The following CTNND2 variants were observed in gnomAD, a reference collection of about 807,000 sequenced individuals.
The protein encoded by CTNND2 is catenin delta 2.
CTNND2 carries 22 observed loss-of-function variants against 144.4 expected under a neutral mutation model. The ratio of observed to expected loss-of-function variants is 0.15; its 90% CI spans 0.11 to 0.22. The LOEUF (loss-of-function observed/expected upper bound fraction) is 0.22, where lower values mean the gene tolerates loss of function less well. Among genes scored for constraint, CTNND2 ranks in the 10% least tolerant of loss-of-function variants. CTNND2 has a pLI of 1.00. For missense variants in CTNND2, 1,353 were observed against 1,618.8 expected (o/e 0.84, Z 2.82); for synonymous variants, 751 against 695.6 (o/e 1.08, Z -1.25).
intron 11 of CTNND2, among the ~76,000 whole-genome samples, chr5:11,195,852 G>A (rs1478476330): frequency 1.3e-5 from 2 of 152,238 alleles, no homozygotes; most frequent in African/African-American, 4.8e-5. Context: ...TATTTGCTTC[G>A]GAGCTTTTCA....
At chr5:11,099,241 TC>T (rs1751646619) in intron 14 of CTNND2, among the ~76,000 whole-genome samples, 1 of 152,198 alleles carries the variant, frequency 6.6e-6, no homozygotes, top group Admixed American at 6.5e-5. Context: ...CAAATTGGGT[TC>T]TATTGTTGCA....
At chr5:11,633,280 A>C (rs1464702209) in intron 2 of CTNND2, among the ~76,000 whole-genome samples, 7 of 152,194 alleles carry the variant, frequency 4.6e-5, no homozygotes, top group Non-Finnish European at 1.5e-5. Context: ...AGAGAATGCC[A>C]ACAAAATTAA....
At chr5:11,323,240 G>GT (rs1032860354) in intron 9 of CTNND2, among the ~76,000 whole-genome samples, 12 of 143,634 alleles carry the variant, frequency 8.4e-5, no homozygotes, top group South Asian at 2.5e-4. Context: ...TTGGGGGGGG[G>GT]GGTCTCACTA....
At chr5:11,352,323 T>C (rs1043874201) in intron 8 of CTNND2, among the ~76,000 whole-genome samples, 1 of 152,218 alleles carries the variant, frequency 6.6e-6, no homozygotes, top group Admixed American at 6.5e-5. Context: ...ATCATAGATA[T>C]ATTTGAAAGC....
At chr5:11,647,145 C>G (rs775650421) in intron 2 of CTNND2, among the ~76,000 whole-genome samples, 2 of 152,152 alleles carry the variant, frequency 1.3e-5, no homozygotes, top group Non-Finnish European at 2.9e-5. Context: ...CTGTTCTTTG[C>G]TCTCTTCCTC....
Position 11,471,535 on chromosome 5 carries a change from A to G in CTNND2, c.288-59466T>C, listed in dbSNP as rs562387678. Among the ~76,000 whole-genome samples the G allele has an allele frequency of 3.9e-5, 6 of 152,334 alleles. No individual in the cohort carries two copies. The South Asian group carries it at 1.2e-3, about 32-fold the overall frequency. ...CTAAATAACAAATTCTAGTAATAGAATAATGGTTTTGATAAAGGTATTTAC... is the reference window on the plus strand; with the variant it reads ...CTAAATAACAAATTCTAGTAATAGAGTAATGGTTTTGATAAAGGTATTTAC... On this transcript the variant is annotated intron_variant, in intron 3 of 21. Coordinates refer to ENST00000304623, the MANE Select transcript of CTNND2 (RefSeq NM_001332.4).
At chr5:11,220,315 A>T (rs1044430220) in intron 10 of CTNND2, among the ~76,000 whole-genome samples, 2 of 152,208 alleles carry the variant, frequency 1.3e-5, no homozygotes, top group African/African-American at 4.8e-5. Flanking sequence ...AGATGGTGGC[A>T]ACAGAAAAAA....
At chr5:11,155,692 T>A (rs1352757130) in intron 12 of CTNND2, among the ~76,000 whole-genome samples, 1 of 152,012 alleles carries the variant, frequency 6.6e-6, no homozygotes, top group African/African-American at 2.4e-5. Context: ...CCTTATCAAC[T>A]CAGGCCTCCA....
chr5:11,381,232 CATT>C (rs1758452235), intron 7 of CTNND2, among the ~76,000 whole-genome samples: 1 of 152,218 alleles, frequency 6.6e-6, no homozygotes, highest in Non-Finnish European at 1.5e-5. Flanking sequence ...TCCCAACTGA[CATT>C]CTTGCTTTTG....
At chr5:11,485,543 C>A (rs1768741088) in intron 3 of CTNND2, among the ~76,000 whole-genome samples, 1 of 152,060 alleles carries the variant, frequency 6.6e-6, no homozygotes, top group South Asian at 2.1e-4. Context: ...AATAAATAGC[C>A]TGTTAGTAGT....
intron 2 of CTNND2, among the ~76,000 whole-genome samples, chr5:11,609,466 C>A (rs1780212941): frequency 2.0e-5 from 3 of 152,150 alleles, no homozygotes; most frequent in Admixed American, 1.3e-4. Context: ...GACCCTCTGT[C>A]ACTGCAATGG....
At chr5:11,675,371 C>A (rs772653540) in intron 2 of CTNND2, among the ~76,000 whole-genome samples, 1 of 151,948 alleles carries the variant, frequency 6.6e-6, no homozygotes, top group Non-Finnish European at 1.5e-5. Context: ...GTTTGCCTGG[C>A]AAGTGCAGAC....
intron 1 of CTNND2, among the ~76,000 whole-genome samples, chr5:11,888,305 T>G (rs113766365): frequency 6.6e-6 from 1 of 152,106 alleles, no homozygotes; most frequent in Admixed American, 6.5e-5. Flanking sequence ...CCAGGAAAGG[T>G]AGAATGGTTG....
intron 9 of CTNND2, among the ~76,000 whole-genome samples, chr5:11,333,376 G>A (rs1354305673): frequency 6.6e-6 from 1 of 152,068 alleles, no homozygotes; most frequent in Non-Finnish European, 1.5e-5. Flanking sequence ...TGATCCTCCT[G>A]CCTTAGTCTT....
chr5:11,885,483 T>C (rs937514360), intron 1 of CTNND2, among the ~76,000 whole-genome samples: 1 of 152,246 alleles, frequency 6.6e-6, no homozygotes, highest in Non-Finnish European at 1.5e-5. Context: ...TTTGGGTCCA[T>C]TCAGCAAGAG....
At chr5:11,322,439 A>G (rs1182254455) in intron 9 of CTNND2, among the ~76,000 whole-genome samples, 1 of 152,250 alleles carries the variant, frequency 6.6e-6, no homozygotes, top group Non-Finnish European at 1.5e-5. Flanking sequence ...TTATGCAATA[A>G]GCATTTATGA....
At chr5:10,983,688 C>T (rs1737582485) in intron 20 of CTNND2, among the ~76,000 whole-genome samples, 1 of 152,166 alleles carries the variant, frequency 6.6e-6, no homozygotes, top group Non-Finnish European at 1.5e-5. Flanking sequence ...TCCTCGAAGG[C>T]CCAACTTCCA....
Position 11,384,862 on chromosome 5 carries a change from G to A in CTNND2, c.980C>T (p.Ser327Phe). 1 of 1,612,734 alleles carries A rather than the reference G, an allele frequency of 6.2e-7. No individual in the cohort carries two copies. The highest frequency in any genetic ancestry group is 8.5e-7 in the Non-Finnish European group (1 of 1,179,618). ...GGGGGGCGAGGTCACGCGGATCGGG[G>A]ACAGGCCGGCCGAGGACACGACGAT... ...INIVVSSAGL[S>F]PIRVTSPPTV... is the part of the protein sequence containing the mutation. The change falls in exon 7 of 22, where the codon TCC becomes TTC. Residue 327 changes from serine to phenylalanine, a missense_variant. Physicochemically the swap from Ser to Phe is radical, Grantham distance 155. Around this residue, in one of 4 missense-constraint regions of CTNND2, gnomAD observed 708 missense variants for 706.4 expected, o/e 1.00. Transcript: ENST00000304623. The surrounding 1 kb of genome is among the most constrained non-coding windows in gnomAD (Gnocchi z 5.2).
intron 9 of CTNND2, among the ~76,000 whole-genome samples, chr5:11,240,234 CA>C (rs1272132904): frequency 2.7e-4 from 34 of 125,150 alleles, no homozygotes; most frequent in African/African-American, 5.5e-4. Flanking sequence ...AACACACACA[CA>C]CCAACACACA....
Sources: allele counts gnomAD v4.1 joint callset (sites outside exome capture counted in the v4.1 genomes callset), GRCh38; gene constraint gnomAD v4.1.1; regional missense constraint gnomAD v4.1.1; non-coding constraint Gnocchi (gnomAD v3.1); transcripts MANE v1.5; gene names NCBI Gene and HGNC (gene_info 2026-07-23, HGNC 2026-07-21).